The following IMMP2L variants were observed in gnomAD, a reference collection of about 807,000 sequenced individuals.
IMMP2L encodes the protein inner mitochondrial membrane peptidase subunit 2, also known as mitochondrial inner membrane protease subunit 2.
Under a neutral mutation model 19.3 loss-of-function variants are expected in IMMP2L, and 18 were observed. The ratio of observed to expected loss-of-function variants is 0.93; its 90% CI spans 0.64 to 1.38. The LOEUF is 1.38. Ranked by LOEUF, IMMP2L falls within the 40% of genes most tolerant of loss-of-function variation. IMMP2L has a pLI of 0.00. For missense variants in IMMP2L, 233 were observed against 218.2 expected (o/e 1.07, Z -0.43); for synonymous variants, 76 against 73.0 (o/e 1.04, Z -0.21).
chr7:111,444,943 C>T (rs34365733), intron 3 of IMMP2L, among the ~76,000 whole-genome samples: 18 of 152,162 alleles, frequency 1.2e-4, no homozygotes, highest in Non-Finnish European at 2.2e-4. Context: ...TTTAGACTTA[C>T]GTTTTTCTTG....
At chr7:111,049,280 G>A (rs1425921361) in intron 3 of IMMP2L, among the ~76,000 whole-genome samples, 73 of 148,042 alleles carry the variant, frequency 4.9e-4, no homozygotes, top group Admixed American at 6.8e-4. Context: ...ACAGGCGCCC[G>A]CCACTACGCC....
intron 3 of IMMP2L, among the ~76,000 whole-genome samples, chr7:111,273,048 C>T (rs1490112449): frequency 1.3e-5 from 2 of 151,940 alleles, no homozygotes; most frequent in African/African-American, 2.4e-5. Context: ...AAGGTGGAGG[C>T]GGGCAAACCA....
chr7:111,158,963 T>A (rs1369095969), intron 3 of IMMP2L, among the ~76,000 whole-genome samples: 1 of 152,174 alleles, frequency 6.6e-6, no homozygotes, highest in Non-Finnish European at 1.5e-5. Flanking sequence ...AAGCATATGC[T>A]TAATATCCAC....
intron 3 of IMMP2L, among the ~76,000 whole-genome samples, chr7:111,073,381 T>C (rs1420417817): frequency 3.3e-5 from 5 of 152,180 alleles, no homozygotes; most frequent in Admixed American, 6.5e-5. Flanking sequence ...TGGGGGTTCA[T>C]TGTGCTATTC....
At chr7:111,198,641 T>A (rs1230194977) in intron 3 of IMMP2L, among the ~76,000 whole-genome samples, 1 of 152,192 alleles carries the variant, frequency 6.6e-6, no homozygotes, top group South Asian at 2.1e-4. Flanking sequence ...CTACAAATGA[T>A]GCCTTTTTCC....
intron 3 of IMMP2L, among the ~76,000 whole-genome samples, chr7:111,221,697 T>G (rs1246563739): frequency 1.3e-5 from 2 of 151,966 alleles, no homozygotes; most frequent in Non-Finnish European, 2.9e-5. Flanking sequence ...TTGTGGCAAT[T>G]AATAGATCAA....
chr7:111,022,781 C>T (rs1215125658), intron 3 of IMMP2L, among the ~76,000 whole-genome samples: 3 of 152,164 alleles, frequency 2.0e-5, no homozygotes, highest in African/African-American at 4.8e-5. Flanking sequence ...TCTGCTGATC[C>T]TTTCACCAAC....
chr7:111,444,373 T>C (rs1838077731), intron 3 of IMMP2L, among the ~76,000 whole-genome samples: 1 of 152,130 alleles, frequency 6.6e-6, no homozygotes, highest in Non-Finnish European at 1.5e-5. Context: ...TTGGTTCAAA[T>C]TCTGCTTCCA....
chr7:111,345,629 G>A (rs774820591), intron 3 of IMMP2L, among the ~76,000 whole-genome samples: 3 of 152,120 alleles, frequency 2.0e-5, no homozygotes. Context: ...CAAAAACTGA[G>A]TTGACTCATA....
At chr7:111,159,139 G>A (rs918141196) in intron 3 of IMMP2L, among the ~76,000 whole-genome samples, 13 of 151,958 alleles carry the variant, frequency 8.6e-5, no homozygotes, top group Admixed American at 2.0e-4. Flanking sequence ...ATTTAGAGAC[G>A]GAGTCTCGCT....
chr7:110,916,612 C>T (rs555821940), intron 4 of IMMP2L, among the ~76,000 whole-genome samples: 9 of 152,290 alleles, frequency 5.9e-5, no homozygotes, highest in African/African-American at 2.2e-4. Flanking sequence ...TACTTCCTTC[C>T]TCCATCCCCA....
intron 3 of IMMP2L, among the ~76,000 whole-genome samples, chr7:110,969,438 A>G (rs1563121576): frequency 6.6e-6 from 1 of 152,020 alleles, no homozygotes; most frequent in Non-Finnish European, 1.5e-5. Flanking sequence ...GGAGCTTTGT[A>G]GTTTCAGAAA....
Position 111,300,692 on chromosome 7 carries a change from A to G in IMMP2L, c.239+186546T>C, listed in dbSNP as rs140808620. ...TTTGTCATGTCAAGAATCTTATATA[A>G]AGGTATTCACTTGTGACCTATGTGC... On this transcript the variant is annotated intron_variant, in intron 3 of 5. Coordinates refer to ENST00000405709, the MANE Select transcript of IMMP2L (RefSeq NM_032549.4). Among the ~76,000 whole-genome samples, 495 of 152,240 alleles carry G rather than the reference A, an allele frequency of 3.3e-3. 2 individuals are homozygous for G. The highest frequency in any genetic ancestry group is 0.011 in the African/African-American group (468 of 41,568).
intron 3 of IMMP2L, among the ~76,000 whole-genome samples, chr7:111,087,931 C>T (rs991805993): frequency 5.9e-5 from 9 of 152,060 alleles, no homozygotes; most frequent in Non-Finnish European, 8.8e-5. Context: ...TTTTAATGTT[C>T]ATAACAATTC....
At chr7:110,944,450 A>AGTGT (rs925687102) in intron 4 of IMMP2L, among the ~76,000 whole-genome samples, 1 of 147,444 alleles carries the variant, frequency 6.8e-6, no homozygotes, top group African/African-American at 2.4e-5. Flanking sequence ...AAGCACATAG[A>AGTGT]GTGTGTGTGT....
chr7:111,398,793 T>G (rs533393613), intron 3 of IMMP2L, among the ~76,000 whole-genome samples: 2 of 151,312 alleles, frequency 1.3e-5, no homozygotes, highest in African/African-American at 4.9e-5. Flanking sequence ...GATATAAGAT[T>G]AATGTACACA....
intron 3 of IMMP2L, among the ~76,000 whole-genome samples, chr7:111,264,573 T>G (rs1055328740): frequency 5.9e-5 from 9 of 151,888 alleles, no homozygotes; most frequent in Non-Finnish European, 8.8e-5. Context: ...TAAGGCTGGA[T>G]AGCAGCACTA....
At chr7:111,009,552 T>C (rs1001547085) in intron 3 of IMMP2L, among the ~76,000 whole-genome samples, 40 of 152,036 alleles carry the variant, frequency 2.6e-4, no homozygotes, top group African/African-American at 8.9e-4. Context: ...CAAGAACACC[T>C]TGCAGTTGAA....
At chr7:110,862,615 G>GAAT (rs1186354978) in intron 5 of IMMP2L, among the ~76,000 whole-genome samples, 2 of 151,828 alleles carry the variant, frequency 1.3e-5, no homozygotes, top group African/African-American at 4.8e-5. Flanking sequence ...AAAGTATTGG[G>GAAT]ATTATAGGTG....
Sources: gnomAD v4.1 joint callset for allele counts (sites outside exome capture counted in the v4.1 genomes callset) on GRCh38, gnomAD v4.1.1 for gene constraint, MANE v1.5 for transcripts, NCBI Gene and HGNC (gene_info 2026-07-23, HGNC 2026-07-21) for gene names.